KHSRP: variants seen among roughly 807,000 people sequenced by gnomAD.
KHSRP encodes the protein KH-type splicing regulatory protein.
In KHSRP, 13 loss-of-function variants were observed where a neutral mutation model predicts 94.9. The observed-to-expected ratio is 0.14, with a 90% confidence interval of 0.09 to 0.22. The LOEUF is 0.22. KHSRP is among the 10% of genes least tolerant of loss of function. KHSRP has a pLI of 1.00. For synonymous variants in KHSRP, 495 were observed against 401.4 expected, an observed-to-expected ratio of 1.23 and a Z score of -2.79; for missense variants, 710 against 1,010.0, an observed-to-expected ratio of 0.70 and a Z score of 4.03.
At chr19:6,423,884 CGCTTTCAAGCCACCAAA>C (rs1360991248) in intron 1 of KHSRP, among the ~76,000 whole-genome samples, 1 of 152,168 alleles carries the variant, frequency 6.6e-6, no homozygotes, top group Non-Finnish European at 1.5e-5. Context: ...AGACAGACCA[CGCTTTCAAGCCACCAAA>C]GCATCCAAGA....
In KHSRP at chr19:6,417,812, C is replaced by G. The variant is rs1315132228; in HGVS notation, c.1008G>C (p.Val336=). Reference sequence around the variant, plus strand: ...TCATCTCTCCACTCCGGCCAATGACCACGCCAACAGAATGCCTGGGCACTG... The same window carrying G: ...TCATCTCTCCACTCCGGCCAATGACGACGCCAACAGAATGCCTGGGCACTG... ...DVPVPRHSVG[V]VIGRSGEMIK... The change falls in exon 11 of 19, where the codon GTG becomes GTC. Residue 336 remains valine, a synonymous_variant. Coordinates refer to ENST00000600480, the MANE Select transcript of KHSRP (RefSeq NM_001366299.1). 3 of 1,613,854 alleles carry G rather than the reference C, an allele frequency of 1.9e-6. No individual in the cohort carries two copies. In the African/African-American group the frequency reaches 4.0e-5, roughly 22 times the overall value.
Position 6,417,051 on chromosome 19 carries a change from A to G in KHSRP, c.1118T>C (p.Met373Thr). ...GTGPEKIAHIMGPPDRCEHAA... is the reference protein window; with the variant it reads ...GTGPEKIAHITGPPDRCEHAA... ...GTGCTCGCACCTGTCTGGGGGCCCC[A>G]TTATATGAGCAATCTTCTCGGGCCC... Residue 373 changes from methionine (M) to threonine (T), a missense_variant, in exon 12 of 19, where the codon ATG (methionine) becomes ACG (threonine). Around this residue, in one of 5 missense-constraint regions of KHSRP, gnomAD observed 288 missense variants for 501.1 expected, o/e 0.57. Transcript: ENST00000600480. 6.2e-7 allele frequency: 1 copy of G among 1,613,340 alleles called. No homozygotes were observed. Among genetic ancestry groups the G allele is most frequent in the Non-Finnish European group, 8.5e-7 (1 of 1,179,840 alleles).
intron 10 of KHSRP, 53 bp downstream of exon 10, chr19:6,417,928 C>A (rs2092163167): frequency 6.2e-7 from 1 of 1,604,318 alleles, no homozygotes; most frequent in African/African-American, 1.3e-5. Context: ...CTCACCCCGG[C>A]CCCTCCCTCC....
rs181989209 is a variant in KHSRP, at chr19:6,414,897, G to A, written c.*127C>T. ...CAGCGCTCCCCAGCATCACGACAGC[G>A]GCACACAGGAACAAGCAGCCGGCGC... is the stretch of plus-strand genomic sequence containing the variant. On this transcript the variant is annotated 3_prime_UTR_variant, in exon 19 of 19. Transcript: ENST00000600480. The A allele has an allele frequency of 2.9e-4, 406 of 1,376,520 alleles. 2 individuals are homozygous for A. Among genetic ancestry groups the A allele is most frequent in the East Asian group, 4.8e-4 (17 of 35,650 alleles). The allele number at this position is 1,376,520 out of a possible 1,614,324, so 85.3% of individuals were successfully genotyped here.
intron 4 of KHSRP, 26 bp from the exon 5 acceptor site, chr19:6,420,497 GTCC>G (rs1264791658): frequency 6.2e-7 from 1 of 1,610,960 alleles, no homozygotes; most frequent in East Asian, 2.2e-5. Flanking sequence ...CCAAAGGTCA[GTCC>G]TCAAGTGGGA....
rs184792443 is a variant in KHSRP at position 6,424,380 on chromosome 19, G to A, written c.249+73C>T. On this transcript the variant is annotated intron_variant, in intron 1 of 18. Coordinates refer to ENST00000600480, the MANE Select transcript of KHSRP (RefSeq NM_001366299.1). ...CCTCCGCGACCCTGCGCGCGCGCGC[G>A]CACGTGACCCCCGCCCCCTCCCCCG... 4.5e-3 allele frequency: 3,505 copies of A among 780,698 alleles called. 101 individuals are homozygous for A. In the African/African-American group the frequency reaches 0.064, roughly 14 times the overall value. The allele number at this position is 780,698 out of a possible 1,614,324, so 48.4% of individuals were successfully genotyped here. A position where few individuals can be genotyped will look rare whatever the true frequency, so the allele number is the denominator to read the frequency against.
chr19:6,417,271 C>T (rs1328700420), intron 11 of KHSRP, among the ~76,000 whole-genome samples, 184 bp from the exon 12 acceptor site: 1 of 152,226 alleles, frequency 6.6e-6, no homozygotes, highest in African/African-American at 2.4e-5. Context: ...GAGAAGGAAA[C>T]CCACGGCCAA....
In KHSRP at chr19:6,415,378, A is replaced by C; in HGVS notation, c.1966+2T>G. 1.2e-6 allele frequency: 2 copies of C among 1,605,190 alleles called. No homozygotes were observed. Among genetic ancestry groups the C allele is most frequent in the Non-Finnish European group, 1.7e-6 (2 of 1,176,082 alleles). ...CCCTGTCCCCGCATGGTGGCCACTCACCTTGCTTCTTGTAGTACTCCTCCC... is the reference window on the plus strand; with the variant it reads ...CCCTGTCCCCGCATGGTGGCCACTCCCCTTGCTTCTTGTAGTACTCCTCCC... On this transcript the variant is annotated splice_donor_variant, in intron 18 of 18. Coordinates refer to ENST00000600480, the MANE Select transcript of KHSRP (RefSeq NM_001366299.1). LOFTEE classifies it high-confidence loss of function.
rs570680955 is a variant in KHSRP, at chr19:6,417,610, G to A, written c.1081+129C>T. The A allele has an allele frequency of 6.2e-5, 43 of 692,982 alleles. 1 individual carries two copies. Among genetic ancestry groups the A allele is most frequent in the East Asian group, 1.6e-4 (6 of 37,062 alleles). 42.9% of individuals were successfully genotyped at this position (692,982 alleles called of 1,614,324 possible). ...GAGAAGGGACTGGCCATGTTCTGACGGCTGGACTAAGAGCCGTGAGGTGCT... is the reference window on the plus strand; with the variant it reads ...GAGAAGGGACTGGCCATGTTCTGACAGCTGGACTAAGAGCCGTGAGGTGCT... On this transcript the variant is annotated intron_variant, in intron 11 of 18. Coordinates refer to ENST00000600480, the MANE Select transcript of KHSRP (RefSeq NM_001366299.1).
chr19:6,421,481 T>C, intron 3 of KHSRP, 164 bp from the exon 4 acceptor site: 1 of 985,460 alleles, frequency 1.0e-6, no homozygotes, highest in Non-Finnish European at 1.6e-6. Context: ...ACAGAGCTCA[T>C]CTCCCTCAAT....
chr19:6,423,813 C>G (rs2092210109), intron 1 of KHSRP, among the ~76,000 whole-genome samples: 1 of 152,230 alleles, frequency 6.6e-6, no homozygotes, highest in South Asian at 2.1e-4. Flanking sequence ...GCATGTGACA[C>G]TTCCTTGTCA....
At position 6,424,563 on chromosome 19, in the gene KHSRP, C is replaced by A. The variant is rs2092220861; in HGVS notation, c.139G>T (p.Gly47Cys). 3.1e-6 allele frequency: 3 copies of A among 966,288 alleles called. No homozygotes were observed. Among genetic ancestry groups the A allele is most frequent in the Non-Finnish European group, 3.7e-6 (3 of 816,174 alleles). The allele number at this position is 966,288 out of a possible 1,614,324, so 59.9% of individuals were successfully genotyped here. Residue 47 changes from glycine to cysteine, a missense_variant, in exon 1 of 19, where the codon GGC becomes TGC. By Grantham distance (159) the Gly-to-Cys change is radical. Transcript: ENST00000600480. The part of the protein sequence containing the change: ...AGDRGGGGPG[G>C]GGPGGGSAGG... ...GCCGACCCCCCGCCCGGGCCGCCGC[C>A]GCCGGGACCGCCGCCGCCCCGGTCC...
rs201487902 is a variant in KHSRP, at chr19:6,417,104, G to A, written c.1082-17C>T. The A allele has an allele frequency of 6.9e-6, 11 of 1,584,756 alleles. No homozygotes were observed. The highest frequency in any genetic ancestry group is 1.1e-5 in the South Asian group (1 of 90,042). ...TCCCGTCATCTGAGGCCAGCACCGA[G>A]AGAGCAGAGACACAAGTTTAAAAGA... On this transcript the variant is annotated splice_polypyrimidine_tract_variant and intron_variant, in intron 11 of 18. Transcript: ENST00000600480.
rs61751242 is a variant in KHSRP, at chr19:6,422,412, C to A, written c.274G>T (p.Ala92Ser). The stretch of plus-strand genomic sequence containing the variant: ...GTGCTGTTATTCACTGTCGTGGCAG[C>A]ATCGCCTCCAATTTTGGCTGCAATC... ...RQIAAKIGGD[A>S]ATTVNNSTPD... Residue 92 changes from alanine (A) to serine (S), a missense_variant, in exon 2 of 19, where the codon GCT (alanine) becomes TCT (serine). Ala to Ser is a moderately conservative substitution (Grantham distance 99). Coordinates refer to ENST00000600480, the MANE Select transcript of KHSRP (RefSeq NM_001366299.1). The A allele has an allele frequency of 0.013, 20,557 of 1,613,606 alleles. 178 individuals are homozygous for A. The highest frequency in any genetic ancestry group is 0.015 in the Non-Finnish European group (18,052 of 1,179,656).
At chr19:6,424,143 G>C (rs551505027) in intron 1 of KHSRP, 2 of 152,258 alleles carry the variant, frequency 1.3e-5, no homozygotes, top group African/African-American at 4.8e-5. Flanking sequence ...CCTGCCTCCA[G>C]GCATGTCCTA....
At position 6,420,210 on chromosome 19, in the gene KHSRP, T is replaced by C. The variant is rs1401914514; in HGVS notation, c.476-66A>G. 4 of 1,454,448 alleles carry C rather than the reference T, an allele frequency of 2.8e-6. No homozygotes were observed. In the African/African-American group the frequency reaches 4.2e-5, roughly 15 times the overall value. The allele number at this position is 1,454,448 out of a possible 1,614,324, so 90.1% of individuals were successfully genotyped here. The stretch of plus-strand genomic sequence containing the variant: ...GAAGGGAGCCCAGGCCTCAGGAGAC[T>C]GTGTGGCCGGGGCCCCAGCCCCTCT... On this transcript the variant is annotated intron_variant, in intron 5 of 18. Transcript: ENST00000600480.
intron 1 of KHSRP, 35 bp downstream of exon 1, chr19:6,424,408 TGCGCGCGCGC>T (rs1161421704): frequency 8.5e-6 from 7 of 819,378 alleles, no homozygotes; most frequent in Non-Finnish European, 1.0e-5. Flanking sequence ...CTCCCCCGCC[TGCGCGCGCGC>T]GCGAGCGCGC....
chr19:6,417,286 G>A (rs1434500227), intron 11 of KHSRP, among the ~76,000 whole-genome samples, 199 bp from the exon 12 acceptor site: 1 of 152,232 alleles, frequency 6.6e-6, no homozygotes, highest in African/African-American at 2.4e-5. Context: ...GGCCAAGCCA[G>A]GAGGTGGCTC....
chr19:6,415,496 G>A (rs779905717), intron 17 of KHSRP, 38 bp downstream of exon 17: 189 of 1,549,252 alleles, frequency 1.2e-4, no homozygotes, highest in Middle Eastern at 5.0e-4. Flanking sequence ...CCACTCCCCC[G>A]GCAGGGCTGG....
Sources: gnomAD v4.1 joint callset for allele counts (sites outside exome capture counted in the v4.1 genomes callset) on GRCh38, gnomAD v4.1.1 for gene constraint, gnomAD v4.1.1 regional missense constraint, MANE v1.5 for transcripts, NCBI Gene and HGNC (gene_info 2026-07-23, HGNC 2026-07-21) for gene names.